Variants in CDH18 observed in about 807,000 individuals in gnomAD.
CDH18 encodes the protein cadherin 18, also known as cadherin-18.
Under a neutral mutation model 67.9 loss-of-function variants are expected in CDH18, and 31 were observed. The observed-to-expected ratio is 0.46, with a 90% confidence interval of 0.34 to 0.62. The LOEUF is 0.62. CDH18 is among the 20% of genes least tolerant of loss of function. The pLI is 0.01. For missense variants in CDH18, 890 were observed against 975.5 expected (o/e 0.91, Z 1.17); for synonymous variants, 362 against 347.2 (o/e 1.04, Z -0.48).
chr5:20,045,871 TGTTG>T (rs1208361066), intron 2 of CDH18, among the ~76,000 whole-genome samples: 1 of 152,020 alleles, frequency 6.6e-6, no homozygotes, highest in African/African-American at 2.4e-5. Flanking sequence ...ACATCGAATC[TGTTG>T]GTTCCTTGAT....
chr5:19,713,130 T>C lies in CDH18; in HGVS notation c.643+8217A>G, dbSNP rs548522981. 3.3e-5 allele frequency among the ~76,000 whole-genome samples: 5 copies of C among 151,996 alleles called. No individual in the cohort carries two copies. In the South Asian group the frequency reaches 6.2e-4, roughly 19 times the overall value. Reference sequence around the variant, plus strand: ...ATTTTTTTTTTCTCAATAGTTACTATTGAGATGCAGGAGGCATAGAGCGAG... The same window carrying C: ...ATTTTTTTTTTCTCAATAGTTACTACTGAGATGCAGGAGGCATAGAGCGAG... On this transcript the variant is annotated intron_variant, in intron 5 of 12. Transcript: ENST00000382275.
intron 4 of CDH18, among the ~76,000 whole-genome samples, chr5:19,722,047 TTTTG>T (rs1482012151): frequency 6.6e-6 from 1 of 152,092 alleles, no homozygotes; most frequent in African/African-American, 2.4e-5. Context: ...GTCCATTTGT[TTTTG>T]TTTGTTTGTT....
At chr5:20,498,143 A>C (rs2126422471) in intron 1 of CDH18, among the ~76,000 whole-genome samples, 1 of 152,262 alleles carries the variant, frequency 6.6e-6, no homozygotes, top group South Asian at 2.1e-4. Flanking sequence ...ACCCAGGTGA[A>C]CCAAGACAAT....
chr5:20,523,938 A>C (rs1755898027), intron 1 of CDH18, among the ~76,000 whole-genome samples: 1 of 152,246 alleles, frequency 6.6e-6, no homozygotes, highest in South Asian at 2.1e-4. Context: ...AGAGATTGGG[A>C]CAGAGATCTG....
intron 1 of CDH18, among the ~76,000 whole-genome samples, chr5:20,544,259 TG>T (rs1757215530): frequency 6.6e-6 from 1 of 152,110 alleles, no homozygotes; most frequent in Non-Finnish European, 1.5e-5. Flanking sequence ...ATTGCATGCA[TG>T]TGGGTTAATA....
At chr5:19,787,519 A>G (rs1202366738) in intron 3 of CDH18, among the ~76,000 whole-genome samples, 1 of 152,162 alleles carries the variant, frequency 6.6e-6, no homozygotes, top group African/African-American at 2.4e-5. Context: ...CATTATTTTT[A>G]TAGTTATCTG....
rs572622333 is a variant in CDH18 at position 20,114,839 on chromosome 5, A to C, written c.-517-122825T>G. On this transcript the variant is annotated intron_variant, in intron 2 of 14. Transcript: ENST00000507958. ...GAGAGCCAGAATCGTCTCTCACTTTAAGATGTGCAAGAAATTAAGAATATA... is the reference window on the plus strand; with the variant it reads ...GAGAGCCAGAATCGTCTCTCACTTTCAGATGTGCAAGAAATTAAGAATATA... 6.8e-4 allele frequency among the ~76,000 whole-genome samples: 103 copies of C among 152,200 alleles called. No individual in the cohort carries two copies. The Middle Eastern group carries it at 0.014, about 20-fold the overall frequency.
chr5:19,504,207 G>A (rs911437227), intron 10 of CDH18, among the ~76,000 whole-genome samples: 1 of 152,008 alleles, frequency 6.6e-6, no homozygotes, highest in African/African-American at 2.4e-5. Flanking sequence ...GTGTTTTCAT[G>A]AAGTGACAGT....
chr5:19,647,526 T>TTA (rs1308728162), intron 5 of CDH18, among the ~76,000 whole-genome samples: 2 of 8,866 alleles, frequency 2.3e-4, no homozygotes, highest in African/African-American at 8.3e-4. Flanking sequence ...CGAGACTCCA[T>TTA]CAAAAAAAAA....
At position 20,292,643 on chromosome 5, in the gene CDH18, T is replaced by C. The variant is rs956959954; in HGVS notation, c.-579-37138A>G. ...CAAATTGCCAGCAGTGCCATGTCTTTGTGAAGGACATGGGAGGAGAACGTG... is the reference window on the plus strand; with the variant it reads ...CAAATTGCCAGCAGTGCCATGTCTTCGTGAAGGACATGGGAGGAGAACGTG... On this transcript the variant is annotated intron_variant, in intron 1 of 14. Coordinates refer to the CDH18 transcript ENST00000507958. Among the ~76,000 whole-genome samples the C allele has an allele frequency of 2.6e-5, 4 of 152,306 alleles. No individual in the cohort carries two copies. In the South Asian group the frequency reaches 8.3e-4, roughly 32 times the overall value.
chr5:19,946,434 A>G (rs1795288010), intron 2 of CDH18, among the ~76,000 whole-genome samples: 1 of 152,188 alleles, frequency 6.6e-6, no homozygotes, highest in Non-Finnish European at 1.5e-5. Context: ...ACAGAGATCT[A>G]TGCAATAGAC....
intron 2 of CDH18, among the ~76,000 whole-genome samples, chr5:19,861,319 C>A (rs1784880550): frequency 6.6e-6 from 1 of 151,866 alleles, no homozygotes; most frequent in South Asian, 2.1e-4. Context: ...GACAGAGAAC[C>A]AGGCTGAGGA....
At chr5:20,325,356 C>A (rs1055847454) in intron 1 of CDH18, among the ~76,000 whole-genome samples, 11 of 152,132 alleles carry the variant, frequency 7.2e-5, no homozygotes, top group African/African-American at 1.9e-4. Flanking sequence ...TATTGTATCC[C>A]ACTTGTGGAC....
chr5:19,728,459 A>T (rs1306002633), intron 4 of CDH18, among the ~76,000 whole-genome samples: 1 of 152,186 alleles, frequency 6.6e-6, no homozygotes, highest in African/African-American at 2.4e-5. Flanking sequence ...AATGCCTTCA[A>T]GATATCTTTT....
chr5:19,650,027 T>A (rs1755350899), intron 5 of CDH18, among the ~76,000 whole-genome samples: 1 of 152,024 alleles, frequency 6.6e-6, no homozygotes, highest in Admixed American at 6.6e-5. Flanking sequence ...TAAAAAATTT[T>A]ACTTTTTGCA....
intron 7 of CDH18, among the ~76,000 whole-genome samples, chr5:19,581,853 C>T (rs1414611011): frequency 6.6e-6 from 1 of 151,988 alleles, no homozygotes; most frequent in Non-Finnish European, 1.5e-5. Context: ...AGCAGCGTTT[C>T]TCCAGCTAGG....
Position 19,774,808 on chromosome 5 carries a change from C to CAAAAAAAAAAAAAA in CDH18, c.229-27586_229-27573dup. On this transcript the variant is annotated intron_variant, in intron 3 of 12. Transcript: ENST00000382275. ...TGAGTGACAGAGCAAGACTCTGTCTCAAAAAAAAAAAAAAAAAAAAAAAAA... is the reference window on the plus strand; with the variant it reads ...TGAGTGACAGAGCAAGACTCTGTCTCAAAAAAAAAAAAAAAAAAAAAAAAAAAAAAAAAAAAAAA... Among the ~76,000 whole-genome samples, 34 of 35,414 alleles carry CAAAAAAAAAAAAAA rather than the reference C, an allele frequency of 9.6e-4. 9 individuals carry two copies. Among genetic ancestry groups the CAAAAAAAAAAAAAA allele is most frequent in the Non-Finnish European group, 1.3e-3 (26 of 19,262 alleles). The allele number at this position is 35,414 out of a possible 152,430, so 23.2% of individuals were successfully genotyped here. A position where few individuals can be genotyped will look rare whatever the true frequency, so the allele number is the denominator to read the frequency against.
chr5:20,407,411 G>A (rs545184904), intron 1 of CDH18, among the ~76,000 whole-genome samples: 15 of 151,780 alleles, frequency 9.9e-5, no homozygotes, highest in African/African-American at 3.4e-4. Context: ...GGCTGGGTTG[G>A]TTGGTGATGA....
intron 1 of CDH18, among the ~76,000 whole-genome samples, chr5:20,338,003 C>G (rs898374571): frequency 2.0e-5 from 3 of 152,116 alleles, no homozygotes; most frequent in Non-Finnish European, 4.4e-5. Context: ...GGGAAACTTC[C>G]CCTTATAATA....
Sources: allele counts gnomAD v4.1 joint callset (sites outside exome capture counted in the v4.1 genomes callset), GRCh38; gene constraint gnomAD v4.1.1; transcripts MANE v1.5; gene names NCBI Gene and HGNC (gene_info 2026-07-23, HGNC 2026-07-21).